Variants in FRMD6 observed in about 807,000 individuals in gnomAD.
FRMD6 encodes FERM domain-containing protein 6.
Under a neutral mutation model 73.2 loss-of-function variants are expected in FRMD6, and 37 were observed. That is an observed-to-expected ratio of 0.51 (90% CI 0.39 to 0.66). FRMD6 has a LOEUF of 0.66. FRMD6 is among the 30% of genes least tolerant of loss of function. FRMD6 has a pLI of 0.00. For synonymous variants in FRMD6, 273 were observed against 282.2 expected (o/e 0.97, Z 0.33); for missense variants, 714 against 780.5 (o/e 0.91, Z 1.02).
chr14:51,699,836 C>T (rs146880746), intron 3 of FRMD6, among the ~76,000 whole-genome samples: 6 of 151,910 alleles, frequency 3.9e-5, no homozygotes, highest in African/African-American at 7.3e-5. Flanking sequence ...AAATCAGTTT[C>T]GACAGGAAGA....
At chr14:51,398,316 T>C in the FRMD6 span, among the ~76,000 whole-genome samples, 1 of 151,952 alleles carries the variant, frequency 6.6e-6, no homozygotes, top group African/African-American at 2.4e-5. Context: ...CGTGAACACA[T>C]AGAGGAGGCT....
intron 10 of FRMD6, among the ~76,000 whole-genome samples, chr14:51,718,032 A>G (rs1897330810): frequency 6.6e-6 from 1 of 152,244 alleles, no homozygotes; most frequent in Admixed American, 6.5e-5. Flanking sequence ...GAGGGAGTAA[A>G]AAGAGCACAG....
the FRMD6 span, among the ~76,000 whole-genome samples, chr14:51,449,367 T>G: frequency 6.6e-6 from 1 of 152,316 alleles, no homozygotes; most frequent in African/African-American, 2.4e-5. Context: ...GTGGTGATTT[T>G]GAGATTCCAC....
chr14:51,676,435 A>G (rs1894394869), intron 1 of FRMD6, among the ~76,000 whole-genome samples: 1 of 152,218 alleles, frequency 6.6e-6, no homozygotes, highest in Admixed American at 6.5e-5. Flanking sequence ...CAAACTGTGT[A>G]GTAAGTGAAA....
chr14:51,507,346 A>C (rs1884028073), intron 1 of FRMD6, among the ~76,000 whole-genome samples: 1 of 152,020 alleles, frequency 6.6e-6, no homozygotes, highest in African/African-American at 2.4e-5. Flanking sequence ...CTAAGTGAAG[A>C]TCCAGCAGTG....
chr14:51,507,136 A>G (rs955101958), intron 1 of FRMD6, among the ~76,000 whole-genome samples: 1 of 142,160 alleles, frequency 7.0e-6, no homozygotes, highest in South Asian at 2.3e-4. Context: ...ACACACACAC[A>G]CTGCAATAAG....
chr14:51,551,581 GA>G (rs1555374891), intron 1 of FRMD6, among the ~76,000 whole-genome samples: 1 of 151,876 alleles, frequency 6.6e-6, no homozygotes, highest in African/African-American at 2.4e-5. Flanking sequence ...CAAAAAATAC[GA>G]AAAATTTATC....
intron 1 of FRMD6, among the ~76,000 whole-genome samples, chr14:51,673,388 C>T (rs1374135155): frequency 1.3e-5 from 2 of 152,126 alleles, no homozygotes. Context: ...TGCTGCCCCC[C>T]AAATTCTAGC....
chr14:51,628,421 C>T (rs1263547037), intron 2 of FRMD6, among the ~76,000 whole-genome samples: 1 of 152,160 alleles, frequency 6.6e-6, no homozygotes, highest in Admixed American at 6.5e-5. Flanking sequence ...ACATTTCCAA[C>T]ATTCCCAAAA....
At chr14:51,553,246 T>C (rs1178900967) in intron 1 of FRMD6, among the ~76,000 whole-genome samples, 1 of 152,220 alleles carries the variant, frequency 6.6e-6, no homozygotes, top group Non-Finnish European at 1.5e-5. Context: ...AAATGTGATT[T>C]CAGGATAATA....
chr14:51,473,781 A>T, the FRMD6 span, among the ~76,000 whole-genome samples: 1 of 151,270 alleles, frequency 6.6e-6, no homozygotes, highest in African/African-American at 2.4e-5. Flanking sequence ...ATTACTAAGG[A>T]CTTGTAGTCC....
At chr14:51,547,688 A>G (rs1330558405) in intron 1 of FRMD6, 1 of 152,216 alleles carries the variant, frequency 6.6e-6, no homozygotes, top group African/African-American at 2.4e-5. Flanking sequence ...TGATTTGTTT[A>G]AAACATTGTG....
At chr14:51,613,872 ATATTT>A (rs1252488073) in intron 2 of FRMD6, among the ~76,000 whole-genome samples, 9 of 152,164 alleles carry the variant, frequency 5.9e-5, no homozygotes, top group Non-Finnish European at 1.2e-4. Context: ...TATTAACAAT[ATATTT>A]TATTTAGCCC....
chr14:51,506,122 ACT>A (rs1883948348), intron 1 of FRMD6, among the ~76,000 whole-genome samples: 1 of 152,194 alleles, frequency 6.6e-6, no homozygotes, highest in African/African-American at 2.4e-5. Flanking sequence ...CTTTGGTGAC[ACT>A]GCTTATGCTC....
Position 51,708,125 on chromosome 14 carries a change from C to G in FRMD6, c.606C>G (p.Asn202Lys). Residue 202 changes from asparagine to lysine, a missense_variant, in exon 7 of 14, where the codon AAC becomes AAG. Asn to Lys is a moderately conservative substitution (Grantham distance 94, BLOSUM62 0). Coordinates refer to ENST00000344768, the MANE Select transcript of FRMD6 (RefSeq NM_001267046.2). Reference sequence around the variant, plus strand: ...ACTACATCCTGAAGCACATTCCAAACATGCACAAAGATCAGTTTGCACTAA... The same window carrying G: ...ACTACATCCTGAAGCACATTCCAAAGATGCACAAAGATCAGTTTGCACTAA... ...GKDYILKHIPNMHKDQFALTA... is the reference protein window; with the variant it reads ...GKDYILKHIPKMHKDQFALTA... The G allele has an allele frequency of 2.5e-6, 4 of 1,613,310 alleles. No individual in the cohort carries two copies. Among genetic ancestry groups the G allele is most frequent in the Non-Finnish European group, 3.4e-6 (4 of 1,179,484 alleles).
chr14:51,460,899 C>A, the FRMD6 span, among the ~76,000 whole-genome samples: 2 of 152,094 alleles, frequency 1.3e-5, no homozygotes, highest in African/African-American at 2.4e-5. Flanking sequence ...GTTCCTTTTT[C>A]ATTTTTCTTT....
intron 1 of FRMD6, among the ~76,000 whole-genome samples, chr14:51,665,114 T>C (rs1893485423): frequency 6.6e-6 from 1 of 152,224 alleles, no homozygotes; most frequent in Non-Finnish European, 1.5e-5. Flanking sequence ...TTTTGGCTTT[T>C]AACATAGTTA....
the FRMD6 span, among the ~76,000 whole-genome samples, chr14:51,462,400 A>G: frequency 2.6e-5 from 4 of 151,878 alleles, no homozygotes; most frequent in Non-Finnish European, 4.4e-5. Context: ...CCTGCTCCCA[A>G]CTCTTCCTTT....
chr14:51,417,662 G>A, the FRMD6 span, among the ~76,000 whole-genome samples: 1 of 152,104 alleles, frequency 6.6e-6, no homozygotes, highest in Admixed American at 6.5e-5. Context: ...TATCTTTGTG[G>A]TGTTCTCTGT....
Sources: allele counts gnomAD v4.1 joint callset (sites outside exome capture counted in the v4.1 genomes callset), GRCh38; gene constraint gnomAD v4.1.1; transcripts MANE v1.5; gene names NCBI Gene and HGNC (gene_info 2026-07-23, HGNC 2026-07-21).